Variants in HIGD1C observed in about 807,000 individuals in gnomAD.
The protein encoded by HIGD1C is HIG1 domain family member 1C.
HIGD1C carries 11 observed loss-of-function variants against 13.1 expected under a neutral mutation model. That is an observed-to-expected ratio of 0.84 (90% CI 0.53 to 1.39). HIGD1C has a LOEUF of 1.39. Ranked by LOEUF, HIGD1C falls within the 40% of genes most tolerant of loss-of-function variation. The pLI is 0.00. For synonymous variants in HIGD1C, 36 were observed against 37.7 expected, an observed-to-expected ratio of 0.95 and a Z score of 0.17; for missense variants, 110 against 112.0, an observed-to-expected ratio of 0.98 and a Z score of 0.08.
At chr12:50,951,881 C>T (rs546332241), upstream of HIGD1C, among the ~76,000 whole-genome samples, 1 of 142,920 alleles carries the variant, frequency 7.0e-6, no homozygotes, top group Non-Finnish European at 1.5e-5. Context: ...AAGATTGCGC[C>T]ATCACACTCC....
At chr12:50,957,401 G>A (rs897849402) in intron 1 of HIGD1C, among the ~76,000 whole-genome samples, 13 of 151,368 alleles carry the variant, frequency 8.6e-5, no homozygotes, top group African/African-American at 3.2e-4. Flanking sequence ...GTTTTACCAT[G>A]TTGACCAGGC....
chr12:50,958,492 AG>A (rs1282554754), intron 1 of HIGD1C, among the ~76,000 whole-genome samples: 1 of 150,726 alleles, frequency 6.6e-6, no homozygotes, highest in Non-Finnish European at 1.5e-5. Context: ...TGTGTTAGCC[AG>A]GATGGTCTTC....
the HIGD1C span, chr12:50,932,227 A>G: frequency 6.6e-6 from 1 of 152,224 alleles, no homozygotes; most frequent in East Asian, 1.9e-4. Context: ...ACATCAAGCA[A>G]TCTGTGAGTC....
the HIGD1C span, among the ~76,000 whole-genome samples, chr12:50,936,980 A>C: frequency 6.6e-5 from 10 of 152,242 alleles, no homozygotes; most frequent in African/African-American, 2.2e-4. Flanking sequence ...TCTTTGAGAA[A>C]TCTCTTATCA....
chr12:50,970,566 A>G (rs7306293), downstream of HIGD1C: 183,471 of 1,025,028 alleles, frequency 0.18, 17,904 homozygotes, highest in South Asian at 0.28. Flanking sequence ...ATTATGAAGA[A>G]TAAATTTTCA....
At chr12:50,940,212 C>T in the HIGD1C span, among the ~76,000 whole-genome samples, 1 of 152,152 alleles carries the variant, frequency 6.6e-6, no homozygotes, top group Non-Finnish European at 1.5e-5. Flanking sequence ...TGGATATAAA[C>T]ATGGTTTTCT....
chr12:50,943,022 C>A, the HIGD1C span, among the ~76,000 whole-genome samples: 1 of 151,606 alleles, frequency 6.6e-6, no homozygotes, highest in Non-Finnish European at 1.5e-5. Flanking sequence ...CCTGCCACCA[C>A]GCCCAGCTAA....
chr12:50,953,198 T>C (rs1176935210), upstream of HIGD1C, among the ~76,000 whole-genome samples: 1 of 152,184 alleles, frequency 6.6e-6, no homozygotes, highest in Admixed American at 6.5e-5. Context: ...CCTGTTCTGA[T>C]CTACAGCCTC....
At chr12:50,933,475 C>A in the HIGD1C span, among the ~76,000 whole-genome samples, 3 of 152,218 alleles carry the variant, frequency 2.0e-5, no homozygotes, top group Non-Finnish European at 2.9e-5. Flanking sequence ...GAAAATCATA[C>A]AGGCAGAAAG....
chr12:50,970,369 A>G, intron 2 of HIGD1C, 73 bp from the exon 5 acceptor site: 1 of 812,426 alleles, frequency 1.2e-6, no homozygotes, highest in Non-Finnish European at 2.1e-6. Context: ...TTTCATAAAA[A>G]TACAACAAGT....
chr12:50,965,878 T>G (rs753285577), intron 2 of HIGD1C, among the ~76,000 whole-genome samples: 31 of 152,184 alleles, frequency 2.0e-4, no homozygotes, highest in Non-Finnish European at 3.7e-4. Flanking sequence ...CCCTCTTCAT[T>G]CAAGGGATTT....
At chr12:50,960,930 T>G in intron 1 of HIGD1C, 38 bp from the exon 4 acceptor site, 2 of 1,528,402 alleles carry the variant, frequency 1.3e-6, no homozygotes, top group Non-Finnish European at 1.8e-6. Flanking sequence ...TGCTCCTGCC[T>G]CAGCCTTCCA....
At chr12:50,962,043 G>T (rs925965732) in intron 2 of HIGD1C, among the ~76,000 whole-genome samples, 1 of 152,174 alleles carries the variant, frequency 6.6e-6, no homozygotes, top group Non-Finnish European at 1.5e-5. Flanking sequence ...TAGGAAGACA[G>T]ACCAAGAAAG....
At chr12:50,959,644 TTTTG>T (rs148432909) in intron 1 of HIGD1C, among the ~76,000 whole-genome samples, 10,686 of 152,080 alleles carry the variant, frequency 0.07, 532 homozygotes, top group Non-Finnish European at 0.1. Flanking sequence ...TCGTTGTTGG[TTTTG>T]TTTGTTTTTT....
chr12:50,954,215 C>T, intron 1 of HIGD1C, 123 bp downstream of exon 3: 1 of 604,084 alleles, frequency 1.7e-6, no homozygotes, highest in South Asian at 2.4e-5. Flanking sequence ...AGCTAACCTC[C>T]TCTAAGCATG....
intron 2 of HIGD1C, among the ~76,000 whole-genome samples, chr12:50,966,516 A>G (rs2139823600): frequency 6.6e-6 from 1 of 152,240 alleles, no homozygotes; most frequent in Admixed American, 6.5e-5. Flanking sequence ...TCCCACCTCC[A>G]CACCCTCAGT....
chr12:50,933,753 C>T, the HIGD1C span, among the ~76,000 whole-genome samples: 1 of 152,210 alleles, frequency 6.6e-6, no homozygotes, highest in Non-Finnish European at 1.5e-5. Context: ...GCCCTGAGCA[C>T]ACCCAGATGA....
exon 2 of HIGD1C, chr12:50,961,066 G>A: frequency 6.2e-7 from 1 of 1,613,858 alleles, no homozygotes; most frequent in Non-Finnish European, 8.5e-7. Flanking sequence ...CATGAGAGTT[G>A]CTGCCCAAGG....
chr12:50,941,361 C>T, the HIGD1C span, among the ~76,000 whole-genome samples: 7 of 152,228 alleles, frequency 4.6e-5, no homozygotes, highest in Non-Finnish European at 8.8e-5. Context: ...TGTCAGCCCA[C>T]GTTTTTGCCA....
Sources: allele counts gnomAD v4.1 joint callset (sites outside exome capture counted in the v4.1 genomes callset), GRCh38; gene constraint gnomAD v4.1.1; transcripts MANE v1.5; gene names NCBI Gene and HGNC (gene_info 2026-07-23, HGNC 2026-07-21).